NTM: variants seen among roughly 807,000 people sequenced by gnomAD.
NTM encodes IgLON family member 2.
A neutral mutation model predicts 42.1 loss-of-function variants in NTM; 13 were observed. The observed-to-expected ratio is 0.31, with a 90% CI of 0.20 to 0.49. NTM has a LOEUF of 0.49. Among genes scored for constraint, NTM ranks in the 20% least tolerant of loss-of-function variants. The probability of loss-of-function intolerance (pLI) is 0.99; values close to 1 mark genes in which losing one functional copy is unlikely to be tolerated. For missense variants in NTM, 373 were observed against 452.8 expected, an observed-to-expected ratio of 0.82 and a Z score of 1.60; for synonymous variants, 187 against 179.2, an observed-to-expected ratio of 1.04 and a Z score of -0.35.
chr11:131,973,909 G>A (rs1214043578), intron 2 of NTM, among the ~76,000 whole-genome samples: 1 of 152,120 alleles, frequency 6.6e-6, no homozygotes, highest in Non-Finnish European at 1.5e-5. Flanking sequence ...TCACTCATAT[G>A]CAGATTTTCT....
chr11:131,536,251 T>C (rs2052196533), intron 1 of NTM: 1 of 152,200 alleles, frequency 6.6e-6, no homozygotes, highest in Admixed American at 6.5e-5. Flanking sequence ...GCCTGCTATG[T>C]GAATGCTGTC....
At chr11:131,565,559 A>G (rs1244684179) in intron 1 of NTM, among the ~76,000 whole-genome samples, 2 of 152,166 alleles carry the variant, frequency 1.3e-5, no homozygotes, top group Non-Finnish European at 2.9e-5. Context: ...TTCCAGCCGC[A>G]GGGCATTGTG....
chr11:131,739,059 C>T (rs1367022704), intron 1 of NTM, among the ~76,000 whole-genome samples: 1 of 152,146 alleles, frequency 6.6e-6, no homozygotes, highest in Non-Finnish European at 1.5e-5. Flanking sequence ...AGTGAAGCAA[C>T]AATCCCTCCC....
chr11:132,204,102 C>T (rs1229201029), intron 3 of NTM, among the ~76,000 whole-genome samples: 1 of 152,156 alleles, frequency 6.6e-6, no homozygotes, highest in Non-Finnish European at 1.5e-5. Flanking sequence ...AGAAACTCTC[C>T]AATTCCAGGT....
intron 1 of NTM, among the ~76,000 whole-genome samples, chr11:131,517,838 C>T (rs2049095575): frequency 6.6e-6 from 1 of 152,160 alleles, no homozygotes; most frequent in Non-Finnish European, 1.5e-5. Context: ...ACCCACCCCT[C>T]CCTCTAGCTC....
chr11:131,640,403 T>G (rs2064988895), intron 1 of NTM, among the ~76,000 whole-genome samples: 1 of 152,190 alleles, frequency 6.6e-6, no homozygotes, highest in Non-Finnish European at 1.5e-5. Context: ...CTGTGGAAAG[T>G]AAAGCCCAGG....
At chr11:131,843,750 AT>A (rs11293121) in intron 1 of NTM, among the ~76,000 whole-genome samples, 5,697 of 152,230 alleles carry the variant, frequency 0.037, 358 homozygotes, top group African/African-American at 0.13. Context: ...TGTTGTTTTA[AT>A]TTGTATTTTC....
chr11:131,426,266 T>A (rs1368642669), intron 1 of NTM, among the ~76,000 whole-genome samples: 1 of 152,120 alleles, frequency 6.6e-6, no homozygotes, highest in African/African-American at 2.4e-5. Flanking sequence ...ATACACACAT[T>A]TCTTTGTGGA....
intron 2 of NTM, among the ~76,000 whole-genome samples, chr11:131,967,204 C>T (rs988523054): frequency 2.0e-5 from 3 of 152,106 alleles, no homozygotes; most frequent in African/African-American, 7.2e-5. Flanking sequence ...GAGATTTACA[C>T]TGGAGTGGGG....
chr11:131,424,347 G>C (rs1947834360), intron 1 of NTM, among the ~76,000 whole-genome samples: 1 of 152,112 alleles, frequency 6.6e-6, no homozygotes, highest in Non-Finnish European at 1.5e-5. Context: ...GACAGGGTCT[G>C]TGTCTCTTCC....
chr11:132,045,627 C>T (rs892531792), intron 2 of NTM, among the ~76,000 whole-genome samples: 1 of 152,152 alleles, frequency 6.6e-6, no homozygotes, highest in Non-Finnish European at 1.5e-5. Context: ...CAGAAAGGTA[C>T]GGGATATACT....
chr11:131,503,165 G>A (rs2047045432), intron 1 of NTM, among the ~76,000 whole-genome samples: 2 of 152,170 alleles, frequency 1.3e-5, no homozygotes, highest in African/African-American at 4.8e-5. Flanking sequence ...CTCCAGTAAG[G>A]GGAGCCGTTG....
chr11:131,836,982 A>G (rs1379516223), intron 1 of NTM, among the ~76,000 whole-genome samples: 2 of 152,234 alleles, frequency 1.3e-5, no homozygotes, highest in Non-Finnish European at 2.9e-5. Flanking sequence ...AAACAAAAGG[A>G]AAGTCTCTTT....
chr11:131,781,411 A>G (rs949809362), intron 1 of NTM, among the ~76,000 whole-genome samples: 10 of 152,156 alleles, frequency 6.6e-5, no homozygotes, highest in Non-Finnish European at 1.3e-4. Context: ...AAACATTTTA[A>G]TTTACAGATA....
intron 3 of NTM, among the ~76,000 whole-genome samples, chr11:132,184,543 C>T (rs929126849): frequency 6.6e-6 from 1 of 152,128 alleles, no homozygotes; most frequent in African/African-American, 2.4e-5. Context: ...TTCCTGCAGA[C>T]CCCCACACTC....
chr11:131,698,266 C>G (rs1312123707), intron 1 of NTM, among the ~76,000 whole-genome samples: 1 of 152,158 alleles, frequency 6.6e-6, no homozygotes, highest in Non-Finnish European at 1.5e-5. Context: ...GGCACAGGAA[C>G]AGAAGGTGTA....
chr11:131,785,033 C>T lies in NTM; in HGVS notation c.83-126531C>T, dbSNP rs1015823086. ...TAAAATCTTCCTTACTGTGTGTGTG[C>T]GTGTGTGTGTCTGTGTGGGTACACA... is the stretch of plus-strand genomic sequence containing the variant. On this transcript the variant is annotated intron_variant, in intron 1 of 8. Coordinates refer to ENST00000683400, the MANE Select transcript of NTM (RefSeq NM_001352005.2). Among the ~76,000 whole-genome samples the T allele has an allele frequency of 9.9e-5, 15 of 152,062 alleles. No individual in the cohort carries two copies. In the South Asian group the frequency reaches 1.2e-3, roughly 13 times the overall value.
At chr11:131,906,192 T>C (rs532227045) in intron 1 of NTM, among the ~76,000 whole-genome samples, 4 of 152,258 alleles carry the variant, frequency 2.6e-5, no homozygotes, top group South Asian at 4.2e-4. Flanking sequence ...AACCAAATAA[T>C]GTGACACCCA....
intron 1 of NTM, among the ~76,000 whole-genome samples, chr11:131,681,246 C>CGT (rs1555082065): frequency 1.8e-4 from 6 of 33,924 alleles, no homozygotes; most frequent in African/African-American, 3.4e-4. Flanking sequence ...TGTATGTGAG[C>CGT]GTGTGTTTCT....
Sources: allele counts gnomAD v4.1 joint callset (sites outside exome capture counted in the v4.1 genomes callset), GRCh38; gene constraint gnomAD v4.1.1; transcripts MANE v1.5; gene names NCBI Gene and HGNC (gene_info 2026-07-23, HGNC 2026-07-21).